The following C21orf58 variants were observed in gnomAD, a reference collection of about 807,000 sequenced individuals.
C21orf58 encodes chromosome 21 open reading frame 58, also known as uncharacterized protein C21orf58.
In C21orf58, 34 loss-of-function variants were observed where a neutral mutation model predicts 35.8. The ratio of observed to expected loss-of-function variants is 0.95; its 90% CI spans 0.72 to 1.26. The LOEUF (loss-of-function observed/expected upper bound fraction) is 1.26, where lower values mean the gene tolerates loss of function less well. C21orf58 is among the 50% of genes most tolerant of loss of function. The pLI, the probability that C21orf58 is intolerant of heterozygous loss-of-function variation, is 0.00. For synonymous variants in C21orf58, 191 were observed against 175.8 expected, an observed-to-expected ratio of 1.09 and a Z score of -0.68; for missense variants, 440 against 414.3, an observed-to-expected ratio of 1.06 and a Z score of -0.54.
intron 5 of C21orf58, 187 bp from the exon 6 acceptor site, chr21:46,311,754 T>A (rs1294086535): frequency 2.7e-6 from 1 of 364,360 alleles, no homozygotes. Context: ...CACCCACTCA[T>A]CCATCCACCC....
At chr21:46,311,889 A>C (rs1343393493) in intron 5 of C21orf58, among the ~76,000 whole-genome samples, 1 of 148,802 alleles carries the variant, frequency 6.7e-6, no homozygotes, top group African/African-American at 2.5e-5. Flanking sequence ...CCAACCATCC[A>C]ACCAGCCAAC....
intron 6 of C21orf58, among the ~76,000 whole-genome samples, chr21:46,304,033 T>G (rs1038282921): frequency 9.3e-5 from 11 of 117,724 alleles, no homozygotes; most frequent in East Asian, 2.4e-4. Flanking sequence ...TTTTTTTTTT[T>G]TTTTTTTTTT....
chr21:46,317,488 C>G (rs948159682), intron 2 of C21orf58: 6 of 721,122 alleles, frequency 8.3e-6, no homozygotes, highest in Non-Finnish European at 1.4e-5. Flanking sequence ...ATCCACAAGT[C>G]TAGGGGCGGA....
intron 1 of C21orf58, among the ~76,000 whole-genome samples, chr21:46,319,946 G>A (rs1480871431): frequency 6.6e-6 from 1 of 151,906 alleles, no homozygotes; most frequent in Non-Finnish European, 1.5e-5. Flanking sequence ...GATAATAAAA[G>A]AACCTGGCTC....
chr21:46,311,145 C>T (rs2082666980), intron 6 of C21orf58, among the ~76,000 whole-genome samples: 1 of 152,026 alleles, frequency 6.6e-6, no homozygotes, highest in South Asian at 2.1e-4. Context: ...GTTGGGATTA[C>T]AAGCGTGAGC....
At chr21:46,311,118 C>T (rs376501756) in intron 6 of C21orf58, among the ~76,000 whole-genome samples, 2 of 151,978 alleles carry the variant, frequency 1.3e-5, no homozygotes, top group African/African-American at 2.4e-5. Context: ...GTAATCCACC[C>T]GCCTCAGCCT....
intron 1 of C21orf58, chr21:46,322,289 AAAAAG>A: frequency 7.9e-6 from 2 of 252,522 alleles, no homozygotes; most frequent in African/African-American, 2.3e-5. Context: ...CCTGCCTATA[AAAAAG>A]AAAAGAAAAA....
chr21:46,319,523 G>A (rs914084059), intron 1 of C21orf58, among the ~76,000 whole-genome samples: 16 of 152,180 alleles, frequency 1.1e-4, no homozygotes, highest in Non-Finnish European at 2.1e-4. Context: ...AGTGCTTTGG[G>A]AGGCCAAGGC....
chr21:46,322,802 A>T lies in C21orf58; in HGVS notation c.-64T>A. The stretch of plus-strand genomic sequence containing the variant: ...AAAAAGAAAAAAAATTCTGAGCGAG[A>T]TTCCAGGGCTTCCTGAGGGCGCGTT... On this transcript the variant is annotated 5_prime_UTR_variant, in exon 1 of 8. Coordinates refer to ENST00000291691, the MANE Select transcript of C21orf58 (RefSeq NM_058180.5). 8.7e-7 allele frequency: 1 copy of T among 1,145,918 alleles called. No homozygotes were observed. Among genetic ancestry groups the T allele is most frequent in the Admixed American group, 3.5e-5 (1 of 28,508 alleles). 71.0% of individuals were successfully genotyped at this position (1,145,918 alleles called of 1,614,324 possible). A position where few individuals can be genotyped will look rare whatever the true frequency, so the allele number is the denominator to read the frequency against.
chr21:46,315,844 G>C (rs1046059128), intron 3 of C21orf58, among the ~76,000 whole-genome samples: 3 of 152,148 alleles, frequency 2.0e-5, no homozygotes, highest in Admixed American at 1.3e-4. Flanking sequence ...TTCCTCCTGA[G>C]TGCATTTCAT....
At chr21:46,311,942 T>TCCAC (rs202107839) in intron 5 of C21orf58, among the ~76,000 whole-genome samples, 2 of 102,304 alleles carry the variant, frequency 2.0e-5, no homozygotes, top group Admixed American at 1.0e-4. Flanking sequence ...CAACCAACCA[T>TCCAC]CCACCCACCC....
intron 5 of C21orf58, 50 bp from the exon 6 acceptor site, chr21:46,311,617 G>T: frequency 8.7e-7 from 1 of 1,149,888 alleles, no homozygotes; most frequent in Non-Finnish European, 1.3e-6. Context: ...TGAAGAAAGT[G>T]TCTCCAGTAT....
In C21orf58 at chr21:46,322,655, G is replaced by T. The variant is rs562420911; in HGVS notation, c.84C>A (p.Gly28=). 20 of 1,593,120 alleles carry T rather than the reference G, an allele frequency of 1.3e-5. No individual in the cohort carries two copies. In the South Asian group the frequency reaches 2.3e-4, roughly 18 times the overall value. ...CCCGCTCACCACACAGAAGACTGTG[G>T]CCTGAGTCAGGAGAAGGAAGTTTCT... ...DRQKLPSPDS[G]HSLLCGWSPG... The change falls in exon 1 of 8, where the codon GGC becomes GGA. Residue 28 remains glycine (G), a synonymous_variant. Coordinates refer to ENST00000291691, the MANE Select transcript of C21orf58 (RefSeq NM_058180.5).
At chr21:46,306,429 G>A (rs773208992) in intron 6 of C21orf58, among the ~76,000 whole-genome samples, 4 of 152,040 alleles carry the variant, frequency 2.6e-5, no homozygotes, top group African/African-American at 4.8e-5. Context: ...AACCTAGGAG[G>A]CGGAGGTTGC....
chr21:46,307,452 A>ACACACACACCCACT (rs1444869376), intron 6 of C21orf58, among the ~76,000 whole-genome samples: 3 of 152,128 alleles, frequency 2.0e-5, no homozygotes, highest in Non-Finnish European at 4.4e-5. Context: ...ACACACCCAC[A>ACACACACACCCACT]CACACACCCC....
intron 5 of C21orf58, among the ~76,000 whole-genome samples, chr21:46,312,120 C>A (rs1908042432): frequency 6.6e-6 from 1 of 152,168 alleles, no homozygotes; most frequent in Non-Finnish European, 1.5e-5. Context: ...CCTACACATC[C>A]ATTCATCCAT....
At chr21:46,322,270 G>A (rs1371940610) in intron 1 of C21orf58, 1 of 187,754 alleles carries the variant, frequency 5.3e-6, no homozygotes, top group African/African-American at 2.4e-5. Flanking sequence ...CTGTGTGACA[G>A]ACTGAGACCC....
chr21:46,300,827 T>C, downstream of C21orf58: 2 of 1,246,258 alleles, frequency 1.6e-6, no homozygotes. Flanking sequence ...TTATGTATAC[T>C]ACTTAAAAAT....
At chr21:46,306,935 A>G (rs1482641637) in intron 6 of C21orf58, among the ~76,000 whole-genome samples, 1 of 146,926 alleles carries the variant, frequency 6.8e-6, no homozygotes. Flanking sequence ...TTGGTCTGTC[A>G]CCCAGGCTGG....
Sources: gnomAD v4.1 joint callset for allele counts (sites outside exome capture counted in the v4.1 genomes callset) on GRCh38, gnomAD v4.1.1 for gene constraint, MANE v1.5 for transcripts, NCBI Gene and HGNC (gene_info 2026-07-23, HGNC 2026-07-21) for gene names.